The following HEBP2 variants were observed in gnomAD, a reference collection of about 807,000 sequenced individuals.
The protein encoded by HEBP2 is heme-binding protein 2.
In HEBP2, 27 loss-of-function variants were observed where a neutral mutation model predicts 23.1. The ratio of observed to expected loss-of-function variants is 1.17; its 90% CI spans 0.86 to 1.61. HEBP2 has a LOEUF of 1.61. HEBP2 is among the 40% of genes most tolerant of loss of function. The probability of loss-of-function intolerance (pLI) is 0.00; values close to 1 mark genes in which losing one functional copy is unlikely to be tolerated. For synonymous variants in HEBP2, 99 were observed against 95.1 expected (o/e 1.04, Z -0.24); for missense variants, 245 against 253.8 (o/e 0.97, Z 0.24).
chr6:138,404,742 C>A (rs1423955984), intron 1 of HEBP2, 145 bp downstream of exon 1: 2 of 504,352 alleles, frequency 4.0e-6, no homozygotes, highest in Non-Finnish European at 6.4e-6. Flanking sequence ...AAACGAGAAA[C>A]CCCGGTCATT....
Position 138,405,243 on chromosome 6 carries a change from G to A in HEBP2, c.201G>A (p.Thr67=). The change falls in exon 2 of 4, where the codon ACG becomes ACA. Residue 67 remains threonine (T), a synonymous_variant. Coordinates refer to ENST00000607197, the MANE Select transcript of HEBP2 (RefSeq NM_014320.3). ...DWDSAIQTGF[T]KLNSYIQGKN... is the part of the protein sequence containing the mutation. ...ATTCAGCCATCCAGACGGGCTTTAC[G>A]AAACTGAACAGCTACATTCAAGGCA... 1.2e-6 allele frequency: 2 copies of A among 1,614,190 alleles called. No homozygotes were observed. Among genetic ancestry groups the A allele is most frequent in the Non-Finnish European group, 1.7e-6 (2 of 1,180,020 alleles).
intron 3 of HEBP2, among the ~76,000 whole-genome samples, chr6:138,411,635 A>G (rs1203887519): frequency 3.9e-5 from 6 of 152,150 alleles, no homozygotes; most frequent in South Asian, 4.2e-4. Context: ...CAACGCTCCC[A>G]CAACACTTTG....
At position 138,404,506 on chromosome 6, in the gene HEBP2, C is replaced by T. The variant is rs1447179877; in HGVS notation, c.11C>T (p.Pro4Leu). The stretch of plus-strand genomic sequence containing the variant: ...GCGTCAGCGCCGCCCATGGCCGAGC[C>T]GCTCCAGCCAGACCCCGGGGCGGCC... MAEPLQPDPGAAED... is the reference protein window; with the variant it reads MAELLQPDPGAAED... The change falls in exon 1 of 4, where the codon CCG (proline) becomes CTG (leucine). Residue 4 changes from proline to leucine, a missense_variant. Pro to Leu is a moderately conservative substitution (Grantham distance 98). Transcript: ENST00000607197. 7.7e-7 allele frequency: 1 copy of T among 1,290,408 alleles called. No individual in the cohort carries two copies. The highest frequency in any genetic ancestry group is 9.8e-7 in the Non-Finnish European group (1 of 1,019,652). 79.9% of individuals were successfully genotyped at this position (1,290,408 alleles called of 1,614,324 possible). A position where few individuals can be genotyped will look rare whatever the true frequency, so the allele number is the denominator to read the frequency against.
In HEBP2 at chr6:138,404,590, GC is replaced by G. The variant is rs1398446413; in HGVS notation, c.100del (p.Gln34SerfsTer36). Reference protein sequence around the residue: ...TPGWKAPEDAGPQPGSYEIRH... With the variant: ...TPGWKAPEDAXPQPGSYEIRH... ...GGCTGGAAGGCCCCGGAGGACGCCGGCCCCCAGGTAGGCGCCGACTCGGGAG... is the reference window on the plus strand; with the variant it reads ...GGCTGGAAGGCCCCGGAGGACGCCGGCCCCAGGTAGGCGCCGACTCGGGAG... On this transcript the variant is annotated frameshift_variant, in exon 1 of 4. Transcript: ENST00000607197. LOFTEE classifies it high-confidence loss of function. The G allele has an allele frequency of 3.1e-6, 4 of 1,290,010 alleles. No individual in the cohort carries two copies. The highest frequency in any genetic ancestry group is 2.3e-5 in the South Asian group (1 of 42,908). 79.9% of individuals were successfully genotyped at this position (1,290,010 alleles called of 1,614,324 possible).
Position 138,416,041 on chromosome 6 carries a change from G to A in HEBP2, c.*2963G>A, listed in dbSNP as rs1198507688. On this transcript the variant is annotated 3_prime_UTR_variant, in exon 4 of 4. Coordinates refer to ENST00000607197, the MANE Select transcript of HEBP2 (RefSeq NM_014320.3). ...CAACATAACTGATTGCGGCTGAGGG[G>A]TCTGATGAGGGAGAAATGGGATCTA... 6.6e-6 allele frequency: 1 copy of A among 152,380 alleles called. No individual in the cohort carries two copies. 9.4% of individuals were successfully genotyped at this position (152,380 alleles called of 1,614,324 possible). A position where few individuals can be genotyped will look rare whatever the true frequency, so the allele number is the denominator to read the frequency against.
At chr6:138,405,318 A>C (rs1562238782) in intron 2 of HEBP2, 38 bp downstream of exon 2, 2 of 1,612,212 alleles carry the variant, frequency 1.2e-6, no homozygotes, top group South Asian at 2.2e-5. Context: ...CATATTGTGA[A>C]AGAGTCCCCG....
Position 138,414,867 on chromosome 6 carries a change from A to G in HEBP2, c.*1789A>G, listed in dbSNP as rs1774815151. 2.0e-5 allele frequency: 3 copies of G among 152,204 alleles called. No individual in the cohort carries two copies. The highest frequency in any genetic ancestry group is 2.9e-5 in the Non-Finnish European group (2 of 68,070). 9.4% of individuals were successfully genotyped at this position (152,204 alleles called of 1,614,324 possible). On this transcript the variant is annotated 3_prime_UTR_variant, in exon 4 of 4. Transcript: ENST00000607197. ...TGAGCCCAGAAGTTCAAGACGAGTC[A>G]TGGCAACCTAGTGAGACTGTCTGTC...
chr6:138,411,193 A>G (rs1774740385), intron 3 of HEBP2, among the ~76,000 whole-genome samples: 1 of 152,206 alleles, frequency 6.6e-6, no homozygotes, highest in Non-Finnish European at 1.5e-5. Context: ...TGCTGTCATG[A>G]TTTAATCTCA....
rs548883019 is a variant in HEBP2 at position 138,417,998 on chromosome 6, A to G, written c.*4920A>G. 6.6e-6 allele frequency: 1 copy of G among 152,330 alleles called. No homozygotes were observed. The highest frequency in any genetic ancestry group is 2.1e-4 in the South Asian group (1 of 4,830). The allele number at this position is 152,330 out of a possible 1,614,324, so 9.4% of individuals were successfully genotyped here. ...GGACTTCCCCTAACAAAGCTTAAAG[A>G]CAAGCCTTGGAAGGATCAAACTAAT... On this transcript the variant is annotated 3_prime_UTR_variant, in exon 4 of 4. Coordinates refer to ENST00000607197, the MANE Select transcript of HEBP2 (RefSeq NM_014320.3).
intron 1 of HEBP2, 84 bp downstream of exon 1, chr6:138,404,681 T>TA: frequency 1.1e-6 from 1 of 886,922 alleles, no homozygotes; most frequent in Non-Finnish European, 1.5e-6. Context: ...TAGAGTTAAG[T>TA]AAAAAGTACA....
chr6:138,405,054 A>C lies in HEBP2; in HGVS notation c.103-91A>C. The C allele has an allele frequency of 2.1e-6, 3 of 1,430,134 alleles. No homozygotes were observed. In the South Asian group the frequency reaches 3.8e-5, roughly 18 times the overall value. The allele number at this position is 1,430,134 out of a possible 1,614,324, so 88.6% of individuals were successfully genotyped here. ...TGCAGCCCCTAGACAGGACGGCTCC[A>C]GGTCGACCCGAGATCATGGCACCGG... On this transcript the variant is annotated intron_variant, in intron 1 of 3. Transcript: ENST00000607197.
Position 138,413,374 on chromosome 6 carries a change from C to T in HEBP2, c.*296C>T, listed in dbSNP as rs1439085140. The T allele has an allele frequency of 8.3e-6, 2 of 240,808 alleles. No homozygotes were observed. The highest frequency in any genetic ancestry group is 1.6e-5 in the Non-Finnish European group (2 of 124,714). The allele number at this position is 240,808 out of a possible 1,614,324, so 14.9% of individuals were successfully genotyped here. A position where few individuals can be genotyped will look rare whatever the true frequency, so the allele number is the denominator to read the frequency against. ...CTTCACTGCATCACAATCATATTCC[C>T]TTTTTTTTTTCTTGGATTTGTGTCA... On this transcript the variant is annotated 3_prime_UTR_variant, in exon 4 of 4. Transcript: ENST00000607197.
rs1774927940 is a variant in HEBP2, at chr6:138,421,449, A to G, written c.*8371A>G. The G allele has an allele frequency of 6.6e-6, 1 of 152,230 alleles. No individual in the cohort carries two copies. The highest frequency in any genetic ancestry group is 6.5e-5 in the Admixed American group (1 of 15,284). The allele number at this position is 152,230 out of a possible 1,614,324, so 9.4% of individuals were successfully genotyped here. A position where few individuals can be genotyped will look rare whatever the true frequency, so the allele number is the denominator to read the frequency against. Reference sequence around the variant, plus strand: ...TCTTCAGAAATAGTAGGATGGCAGAAAGCAGATCGCATTGAGGTTGTTTCC... The same window carrying G: ...TCTTCAGAAATAGTAGGATGGCAGAGAGCAGATCGCATTGAGGTTGTTTCC... On this transcript the variant is annotated 3_prime_UTR_variant, in exon 4 of 4. Coordinates refer to ENST00000607197, the MANE Select transcript of HEBP2 (RefSeq NM_014320.3).
At position 138,412,886 on chromosome 6, in the gene HEBP2, C is replaced by T. The variant is rs780956174; in HGVS notation, c.426C>T (p.Phe142=). The change falls in exon 4 of 4, where the codon TTC becomes TTT. Residue 142 remains phenylalanine, a synonymous_variant. Coordinates refer to ENST00000607197, the MANE Select transcript of HEBP2 (RefSeq NM_014320.3). The part of the protein sequence containing the change: ...RAEMTVFVRS[F]DGFSSAQKNQ... ...TTTCCTTTCTCCTTTGTAGGTCTTT[C>T]GATGGATTTTCTAGTGCCCAAAAGA... 4.3e-5 allele frequency: 70 copies of T among 1,612,418 alleles called. No homozygotes were observed. The highest frequency in any genetic ancestry group is 5.1e-5 in the Non-Finnish European group (60 of 1,178,716).
Position 138,414,678 on chromosome 6 carries a change from C to T in HEBP2, c.*1600C>T, listed in dbSNP as rs368605390. 1.3e-5 allele frequency: 2 copies of T among 152,296 alleles called. No individual in the cohort carries two copies. Among genetic ancestry groups the T allele is most frequent in the Admixed American group, 6.5e-5 (1 of 15,280 alleles). 9.4% of individuals were successfully genotyped at this position (152,296 alleles called of 1,614,324 possible). ...ATTCTGTGGGAGAGAGGGACCTAGT[C>T]TACAACTGAGCAAGGCAGTGGTAGC... On this transcript the variant is annotated 3_prime_UTR_variant, in exon 4 of 4. Coordinates refer to ENST00000607197, the MANE Select transcript of HEBP2 (RefSeq NM_014320.3).
rs575369442 is a variant in HEBP2, at chr6:138,408,728, C to T, written c.419+2577C>T. ...TTCTCCTGTCCCATTTCTTTACCTC[C>T]GTTGGCTCCTCAGCTCCCTACCCTA... On this transcript the variant is annotated intron_variant, in intron 3 of 3. Coordinates refer to ENST00000607197, the MANE Select transcript of HEBP2 (RefSeq NM_014320.3). 5.6e-5 allele frequency among the ~76,000 whole-genome samples: 8 copies of T among 142,002 alleles called. No homozygotes were observed. The East Asian group carries it at 5.9e-4, about 10-fold the overall frequency. 93.2% of individuals were successfully genotyped at this position (142,002 alleles called of 152,430 possible). A position where few individuals can be genotyped will look rare whatever the true frequency, so the allele number is the denominator to read the frequency against.
chr6:138,419,946 T>G lies in HEBP2; in HGVS notation c.*6868T>G, dbSNP rs1774893805. On this transcript the variant is annotated 3_prime_UTR_variant, in exon 4 of 4. Coordinates refer to ENST00000607197, the MANE Select transcript of HEBP2 (RefSeq NM_014320.3). The stretch of plus-strand genomic sequence containing the variant: ...TTTGGACTCTGTGTTCAGGGACCAG[T>G]AGGCAAGAAGTCACCATCTAGTCAA... 1.3e-5 allele frequency: 2 copies of G among 152,222 alleles called. No individual in the cohort carries two copies. The highest frequency in any genetic ancestry group is 1.3e-4 in the Admixed American group (2 of 15,278). The allele number at this position is 152,222 out of a possible 1,614,324, so 9.4% of individuals were successfully genotyped here.
intron 3 of HEBP2, among the ~76,000 whole-genome samples, chr6:138,412,600 TCC>T (rs1186423654): frequency 6.6e-6 from 1 of 152,200 alleles, no homozygotes; most frequent in Non-Finnish European, 1.5e-5. Flanking sequence ...ACTACAGGCA[TCC>T]GCCACCACAT....
At position 138,418,582 on chromosome 6, in the gene HEBP2, C is replaced by T. The variant is rs1204075920; in HGVS notation, c.*5504C>T. On this transcript the variant is annotated 3_prime_UTR_variant, in exon 4 of 4. Coordinates refer to ENST00000607197, the MANE Select transcript of HEBP2 (RefSeq NM_014320.3). ...TGTACAGGAGCAGTTCCAAGCCAGA[C>T]CAGAGGACATAAGCAAACTGCAAGA... is the stretch of plus-strand genomic sequence containing the variant. 1.3e-5 allele frequency: 2 copies of T among 152,208 alleles called. No individual in the cohort carries two copies. The highest frequency in any genetic ancestry group is 1.9e-4 in the East Asian group (1 of 5,190). 9.4% of individuals were successfully genotyped at this position (152,208 alleles called of 1,614,324 possible). A position where few individuals can be genotyped will look rare whatever the true frequency, so the allele number is the denominator to read the frequency against.
Sources: allele counts gnomAD v4.1 joint callset (sites outside exome capture counted in the v4.1 genomes callset), GRCh38; gene constraint gnomAD v4.1.1; transcripts MANE v1.5; gene names NCBI Gene and HGNC (gene_info 2026-07-23, HGNC 2026-07-21).